The following STXBP4 variants were observed in gnomAD, a reference collection of about 807,000 sequenced individuals.
STXBP4 encodes the protein syntaxin binding protein 4.
In STXBP4, 55 loss-of-function variants were observed where a neutral mutation model predicts 76.1. The ratio of observed to expected loss-of-function variants is 0.72; its 90% CI spans 0.58 to 0.91. The LOEUF (loss-of-function observed/expected upper bound fraction) is 0.91, where lower values mean the gene tolerates loss of function less well. Among genes scored for constraint, STXBP4 ranks in the 40% least tolerant of loss-of-function variants. The pLI is 0.00. For synonymous variants in STXBP4, 201 were observed against 220.2 expected (o/e 0.91, Z 0.77); for missense variants, 618 against 636.9 (o/e 0.97, Z 0.32).
At chr17:55,087,844 A>T (rs1664500317) in intron 16 of STXBP4, among the ~76,000 whole-genome samples, 1 of 152,066 alleles carries the variant, frequency 6.6e-6, no homozygotes, top group South Asian at 2.1e-4. Flanking sequence ...TTGTTATTTT[A>T]ACAGTACTAT....
the STXBP4 span, among the ~76,000 whole-genome samples, chr17:55,211,799 G>GTTTTTTTTTTTTTTTT: frequency 6.1e-5 from 3 of 48,980 alleles, no homozygotes; most frequent in African/African-American, 1.2e-4. Context: ...GTTTTTTGTT[G>GTTTTTTTTTTTTTTTT]TTTTTTTTTT....
intron 7 of STXBP4, among the ~76,000 whole-genome samples, chr17:55,004,869 C>T (rs987497372): frequency 6.6e-6 from 1 of 151,904 alleles, no homozygotes; most frequent in African/African-American, 2.4e-5. Flanking sequence ...ACTCACTCCC[C>T]CAGAAAGGAG....
the STXBP4 span, among the ~76,000 whole-genome samples, chr17:55,192,119 G>T: frequency 1.3e-5 from 2 of 152,108 alleles, no homozygotes; most frequent in Non-Finnish European, 2.9e-5. Context: ...AAAGAAATAC[G>T]TGCTATTGAA....
rs1323622269 is a variant in STXBP4, at chr17:55,169,160, G to C, written c.*9249G>C. ...AGTGGCCCAAGGGTGAAAAGTAATA[G>C]GGAAATAGAGAAATAGAACCGATCC... On this transcript the variant is annotated 3_prime_UTR_variant, in exon 18 of 18. Coordinates refer to ENST00000376352, the MANE Select transcript of STXBP4 (RefSeq NM_178509.6). The C allele has an allele frequency of 6.6e-6, 1 of 152,050 alleles. No homozygotes were observed. The highest frequency in any genetic ancestry group is 1.5e-5 in the Non-Finnish European group (1 of 68,008). 9.4% of individuals were successfully genotyped at this position (152,050 alleles called of 1,614,324 possible). A position where few individuals can be genotyped will look rare whatever the true frequency, so the allele number is the denominator to read the frequency against.
rs546110489 is a variant in STXBP4, at chr17:55,147,345, A to C, written c.1547+5978A>C. 6.6e-5 allele frequency among the ~76,000 whole-genome samples: 10 copies of C among 152,336 alleles called. No homozygotes were observed. In the East Asian group the frequency reaches 7.7e-4, roughly 12 times the overall value. ...ATGTGCAGTTCACAATGGGGTTTGC[A>C]ATCCTAATGCCACCACTGATCTGAC... is the stretch of plus-strand genomic sequence containing the variant. On this transcript the variant is annotated intron_variant, in intron 17 of 17. Coordinates refer to ENST00000376352, the MANE Select transcript of STXBP4 (RefSeq NM_178509.6).
chr17:55,199,372 C>A, the STXBP4 span, among the ~76,000 whole-genome samples: 1 of 152,230 alleles, frequency 6.6e-6, no homozygotes, highest in Admixed American at 6.5e-5. Flanking sequence ...AGTCCTCCAA[C>A]AATGTGTTTT....
At chr17:54,976,609 C>T (rs1045467676) in intron 1 of STXBP4, among the ~76,000 whole-genome samples, 5 of 152,278 alleles carry the variant, frequency 3.3e-5, no homozygotes, top group Non-Finnish European at 5.9e-5. Flanking sequence ...GTTAGGAACC[C>T]GGCCAGACGG....
At chr17:54,970,957 TATGAAA>T (rs2077391393) in intron 1 of STXBP4, among the ~76,000 whole-genome samples, 2 of 146,424 alleles carry the variant, frequency 1.4e-5, no homozygotes, top group South Asian at 4.4e-4. Context: ...AGTTCATGTT[TATGAAA>T]TACTTCTGAA....
downstream of STXBP4, chr17:55,173,702 A>G (rs563472661): frequency 6.6e-6 from 1 of 152,312 alleles, no homozygotes; most frequent in South Asian, 2.1e-4. Context: ...GGATTTCTTG[A>G]TTTTGTGATA....
intron 16 of STXBP4, among the ~76,000 whole-genome samples, chr17:55,123,428 G>A (rs2079868687): frequency 6.6e-6 from 1 of 152,118 alleles, no homozygotes; most frequent in Non-Finnish European, 1.5e-5. Flanking sequence ...GGTCAAATGA[G>A]AGATAATTCT....
chr17:55,142,197 T>C (rs970619603), intron 17 of STXBP4, among the ~76,000 whole-genome samples: 4 of 152,186 alleles, frequency 2.6e-5, no homozygotes, highest in African/African-American at 9.6e-5. Flanking sequence ...AACTGGTTAG[T>C]TTTGCCCTGG....
chr17:54,974,982 C>T (rs145937425), intron 1 of STXBP4, among the ~76,000 whole-genome samples: 19 of 152,208 alleles, frequency 1.2e-4, no homozygotes, highest in African/African-American at 4.6e-4. Context: ...GTTGCCATGG[C>T]GATAGTAAAC....
intron 16 of STXBP4, among the ~76,000 whole-genome samples, chr17:55,098,662 C>G (rs11079153): frequency 0.37 from 56,772 of 151,920 alleles, 11,281 homozygotes; most frequent in East Asian, 0.54. Context: ...ATTGAGAGGT[C>G]CAGTTCATTC....
intron 16 of STXBP4, among the ~76,000 whole-genome samples, chr17:55,119,599 A>T (rs1263148624): frequency 1.3e-5 from 2 of 152,094 alleles, no homozygotes; most frequent in Non-Finnish European, 2.9e-5. Flanking sequence ...GTCAACAAAG[A>T]CAAGACTTTG....
At chr17:55,207,228 C>T in the STXBP4 span, among the ~76,000 whole-genome samples, 4 of 152,136 alleles carry the variant, frequency 2.6e-5, no homozygotes, top group Non-Finnish European at 4.4e-5. Context: ...TGTGCCATCC[C>T]GGGCAGCCCT....
chr17:55,186,481 T>A, the STXBP4 span, among the ~76,000 whole-genome samples: 1 of 152,208 alleles, frequency 6.6e-6, no homozygotes, highest in Non-Finnish European at 1.5e-5. Context: ...TGTAAAAGAA[T>A]AGGCATTTAA....
intron 17 of STXBP4, among the ~76,000 whole-genome samples, chr17:55,147,870 A>G (rs151286100): frequency 1.5e-4 from 23 of 152,330 alleles, no homozygotes; most frequent in African/African-American, 5.5e-4. Context: ...GCCTTGATCA[A>G]CTGGAGATGT....
At chr17:55,037,613 T>C (rs958035952) in intron 10 of STXBP4, among the ~76,000 whole-genome samples, 1 of 152,118 alleles carries the variant, frequency 6.6e-6, no homozygotes, top group Non-Finnish European at 1.5e-5. Context: ...GATTTCCAAT[T>C]TGTGGCTTCA....
chr17:55,047,767 A>G (rs1001520223), intron 12 of STXBP4, among the ~76,000 whole-genome samples: 1 of 151,902 alleles, frequency 6.6e-6, no homozygotes, highest in African/African-American at 2.4e-5. Context: ...TAGAAAACAT[A>G]AAATCAACAA....
Sources: allele counts gnomAD v4.1 joint callset (sites outside exome capture counted in the v4.1 genomes callset), GRCh38; gene constraint gnomAD v4.1.1; transcripts MANE v1.5; gene names NCBI Gene and HGNC (gene_info 2026-07-23, HGNC 2026-07-21).